Variants in ZNF705G observed in about 807,000 individuals in gnomAD.
The protein encoded by ZNF705G is zinc finger protein 705G.
Under a neutral mutation model 19.6 loss-of-function variants are expected in ZNF705G, and 23 were observed. That is an observed-to-expected ratio of 1.17 (90% CI 0.84 to 1.66). The LOEUF (loss-of-function observed/expected upper bound fraction) is 1.66, where lower values mean the gene tolerates loss of function less well. ZNF705G is among the 40% of genes most tolerant of loss of function. The probability of loss-of-function intolerance (pLI) is 0.00; values close to 1 mark genes in which losing one functional copy is unlikely to be tolerated. For missense variants in ZNF705G, 457 were observed against 354.4 expected (o/e 1.29, Z -2.32); for synonymous variants, 146 against 117.7 (o/e 1.24, Z -1.56).
intron 2 of ZNF705G, among the ~76,000 whole-genome samples, chr8:7,380,130 T>C (rs919426979): frequency 2.8e-5 from 4 of 143,676 alleles, no homozygotes; most frequent in African/African-American, 1.2e-4. Flanking sequence ...GGCACTCTTC[T>C]CAAGTGGAGA....
chr8:7,365,425 C>T (rs1280205455), intron 2 of ZNF705G, among the ~76,000 whole-genome samples: 1 of 138,156 alleles, frequency 7.2e-6, no homozygotes, highest in East Asian at 2.1e-4. Flanking sequence ...GTTGCCCAGG[C>T]TGGAGTGCAG....
At chr8:7,371,051 T>A (rs563035292) in intron 2 of ZNF705G, among the ~76,000 whole-genome samples, 444 of 136,456 alleles carry the variant, frequency 3.3e-3, no homozygotes, top group Admixed American at 5.5e-3. Context: ...CAACACACAC[T>A]GGGGCCTGTT....
intron 1 of ZNF705G, among the ~76,000 whole-genome samples, chr8:7,383,710 C>T (rs1339176831): frequency 4.0e-5 from 6 of 149,322 alleles, no homozygotes; most frequent in Non-Finnish European, 5.9e-5. Flanking sequence ...GATTGCTGCC[C>T]TTATAAAAGA....
rs1007505147 is a variant in ZNF705G at position 7,370,168 on chromosome 8, G to C, written c.-71-7151C>G. ...TGCCTGTAGTCCCAGCTACTTGGGA[G>C]GCTGAGGCAGGAGAATGACGTGAAC... On this transcript the variant is annotated intron_variant, in intron 2 of 6. Coordinates refer to ENST00000400156, the MANE Select transcript of ZNF705G (RefSeq NM_001164457.3). Among the ~76,000 whole-genome samples, 8 of 147,966 alleles carry C rather than the reference G, an allele frequency of 5.4e-5. 2 individuals carry two copies. Among genetic ancestry groups the C allele is most frequent in the African/African-American group, 2.1e-4 (8 of 37,784 alleles).
chr8:7,356,831 G>T lies in ZNF705G; in HGVS notation c.*1145C>A, dbSNP rs1806292125. On this transcript the variant is annotated 3_prime_UTR_variant, in exon 7 of 7. Transcript: ENST00000400156. ...AACAGATTGTATTCTTTCAATATTTGTAAGTATTGATCTTTTGGAAAAGTT... is the reference window on the plus strand; with the variant it reads ...AACAGATTGTATTCTTTCAATATTTTTAAGTATTGATCTTTTGGAAAAGTT... 1.3e-5 allele frequency: 2 copies of T among 149,924 alleles called. 1 individual carries two copies. The highest frequency in any genetic ancestry group is 5.1e-5 in the African/African-American group (2 of 39,296). The allele number at this position is 149,924 out of a possible 1,614,324, so 9.3% of individuals were successfully genotyped here.
At chr8:7,367,825 T>C (rs1205070507) in intron 2 of ZNF705G, among the ~76,000 whole-genome samples, 2 of 149,874 alleles carry the variant, frequency 1.3e-5, no homozygotes, top group Non-Finnish European at 2.9e-5. Flanking sequence ...AGGCAAGGAC[T>C]GAAGTTGCTT....
chr8:7,367,294 A>G (rs1806900745), intron 2 of ZNF705G, among the ~76,000 whole-genome samples: 1 of 149,332 alleles, frequency 6.7e-6, no homozygotes, highest in Admixed American at 6.6e-5. Flanking sequence ...CCTGTCAATT[A>G]TCACATTTCC....
intron 6 of ZNF705G, among the ~76,000 whole-genome samples, chr8:7,359,345 G>T (rs768294972): frequency 6.7e-6 from 1 of 149,722 alleles, no homozygotes; most frequent in Non-Finnish European, 1.5e-5. Context: ...CATCTCAACT[G>T]CAGCGTTATT....
chr8:7,366,085 G>A (rs1249892512), intron 2 of ZNF705G, among the ~76,000 whole-genome samples: 5 of 149,338 alleles, frequency 3.3e-5, no homozygotes, highest in Non-Finnish European at 7.4e-5. Context: ...GATCACCACA[G>A]AGTAAAAGAG....
intron 4 of ZNF705G, 62 bp downstream of exon 4, chr8:7,361,048 C>A: frequency 6.3e-7 from 1 of 1,592,032 alleles, no homozygotes; most frequent in Non-Finnish European, 8.5e-7. Context: ...GCTGTTTTAA[C>A]ACTTATTGAA....
chr8:7,382,596 T>C (rs1294024940), intron 1 of ZNF705G, among the ~76,000 whole-genome samples: 1 of 146,428 alleles, frequency 6.8e-6, no homozygotes, highest in African/African-American at 2.8e-5. Context: ...TGCCAGACCA[T>C]GTAAGGGCAG....
At chr8:7,378,859 T>G (rs1807358575) in intron 2 of ZNF705G, among the ~76,000 whole-genome samples, 1 of 147,048 alleles carries the variant, frequency 6.8e-6, no homozygotes, top group African/African-American at 2.7e-5. Context: ...ACAGGAAACC[T>G]CAATTCCCCT....
In ZNF705G at chr8:7,358,299, G is replaced by A. The variant is rs201985403; in HGVS notation, c.580C>T (p.His194Tyr). The A allele has an allele frequency of 1.6e-3, 2,573 of 1,607,142 alleles. 24 individuals are homozygous for A. Among genetic ancestry groups the A allele is most frequent in the Non-Finnish European group, 2.0e-3 (2,319 of 1,179,034 alleles). The change falls in exon 7 of 7, where the codon CAC becomes TAC. Residue 194 changes from histidine (H) to tyrosine (Y), a missense_variant. Coordinates refer to ENST00000400156, the MANE Select transcript of ZNF705G (RefSeq NM_001164457.3). Reference protein sequence around the residue: ...CFHLRRHKMTHTGERPYACHL... With the variant: ...CFHLRRHKMTYTGERPYACHL... ...CATGCATATGGCCTCTCTCCAGTGTGAGTCATCTTGTGCCGTCTAAGGTGA... is the reference window on the plus strand; with the variant it reads ...CATGCATATGGCCTCTCTCCAGTGTAAGTCATCTTGTGCCGTCTAAGGTGA...
In ZNF705G at chr8:7,364,378, G is replaced by A. The variant is rs542720371; in HGVS notation, c.-71-1361C>T. Among the ~76,000 whole-genome samples, 8 of 149,704 alleles carry A rather than the reference G, an allele frequency of 5.3e-5. No individual in the cohort carries two copies. The South Asian group carries it at 1.7e-3, about 31-fold the overall frequency. On this transcript the variant is annotated intron_variant, in intron 2 of 6. Coordinates refer to ENST00000400156, the MANE Select transcript of ZNF705G (RefSeq NM_001164457.3). ...ATGAAGTCCAGGAAAAATAAAAAGAGTAACTTTGTATTAATTGTGACATTG... is the reference window on the plus strand; with the variant it reads ...ATGAAGTCCAGGAAAAATAAAAAGAATAACTTTGTATTAATTGTGACATTG...
chr8:7,378,860 C>T lies in ZNF705G; in HGVS notation c.-72+2592G>A, dbSNP rs544014153. 2.3e-4 allele frequency among the ~76,000 whole-genome samples: 34 copies of T among 147,102 alleles called. No individual in the cohort carries two copies. In the South Asian group the frequency reaches 6.7e-3, roughly 29 times the overall value. Reference sequence around the variant, plus strand: ...ACAGCCTTAATTTCACAGGAAACCTCAATTCCCCTTTGCTTACACGGTGGC... The same window carrying T: ...ACAGCCTTAATTTCACAGGAAACCTTAATTCCCCTTTGCTTACACGGTGGC... On this transcript the variant is annotated intron_variant, in intron 2 of 6. Transcript: ENST00000400156.
In ZNF705G at chr8:7,356,302, T is replaced by C. The variant is rs539254838; in HGVS notation, c.*1674A>G. The C allele has an allele frequency of 4.7e-4, 71 of 149,634 alleles. 6 individuals carry two copies. Among genetic ancestry groups the C allele is most frequent in the African/African-American group, 1.7e-3 (66 of 39,000 alleles). The allele number at this position is 149,634 out of a possible 1,614,324, so 9.3% of individuals were successfully genotyped here. ...AAAGGAGCACAGCTGTGTCTGTCTCTGTGTAATAACTCAGGACTTACCAGA... is the reference window on the plus strand; with the variant it reads ...AAAGGAGCACAGCTGTGTCTGTCTCCGTGTAATAACTCAGGACTTACCAGA... On this transcript the variant is annotated 3_prime_UTR_variant, in exon 7 of 7. Transcript: ENST00000400156.
rs200239642 is a variant in ZNF705G, at chr8:7,358,082, C to T, written c.797G>A (p.Ser266Asn). The T allele has an allele frequency of 3.7e-5, 60 of 1,608,116 alleles. 7 individuals are homozygous for T. The African/African-American group carries it at 6.6e-4, about 18-fold the overall frequency. Reference sequence around the variant, plus strand: ...GTTTCCTCTAAAGCCAGAGCTTTGACTAAAGGCTTTCCCACTTTTATCACA... The same window carrying T: ...GTTTCCTCTAAAGCCAGAGCTTTGATTAAAGGCTTTCCCACTTTTATCACA... ...YECDKSGKAF[S>N]QSSGFRGNKI... The change falls in exon 7 of 7, where the codon AGT (serine) becomes AAT (asparagine). Residue 266 changes from serine (S) to asparagine (N), a missense_variant. Ser to Asn is a conservative substitution (Grantham distance 46, BLOSUM62 1). Transcript: ENST00000400156.
At chr8:7,379,392 C>T (rs763605042) in intron 2 of ZNF705G, among the ~76,000 whole-genome samples, 28 of 147,320 alleles carry the variant, frequency 1.9e-4, no homozygotes, top group South Asian at 8.4e-4. Context: ...AGTTTGGACA[C>T]GTATATTAAA....
At chr8:7,363,500 C>T (rs1357898420) in intron 2 of ZNF705G, among the ~76,000 whole-genome samples, 16 of 149,294 alleles carry the variant, frequency 1.1e-4, no homozygotes, top group Non-Finnish European at 4.4e-5. Flanking sequence ...TGTATTTCCC[C>T]TTGGAACTTG....
Sources: allele counts gnomAD v4.1 joint callset (sites outside exome capture counted in the v4.1 genomes callset), GRCh38; gene constraint gnomAD v4.1.1; transcripts MANE v1.5; gene names NCBI Gene and HGNC (gene_info 2026-07-23, HGNC 2026-07-21).